The following PLCL1 variants were observed in gnomAD, a reference collection of about 807,000 sequenced individuals.
PLCL1 encodes phospholipase C like 1 (inactive), also known as inactive phospholipase C-like protein 1.
In PLCL1, 41 loss-of-function variants were observed where a neutral mutation model predicts 84.4. That is an observed-to-expected ratio of 0.49 (90% CI 0.38 to 0.63). PLCL1 has a LOEUF of 0.63. PLCL1 is among the 30% of genes least tolerant of loss of function. PLCL1 has a pLI of 0.00. For synonymous variants in PLCL1, 490 were observed against 488.3 expected, an observed-to-expected ratio of 1.00 and a Z score of -0.05; for missense variants, 1,206 against 1,367.8, an observed-to-expected ratio of 0.88 and a Z score of 1.87.
chr2:197,907,531 G>C (rs1688409767), intron 1 of PLCL1, among the ~76,000 whole-genome samples: 1 of 152,160 alleles, frequency 6.6e-6, no homozygotes, highest in Non-Finnish European at 1.5e-5. Context: ...AAAAGTTTGA[G>C]CTGATCCATT....
chr2:198,073,444 C>T (rs1372848477), intron 1 of PLCL1, among the ~76,000 whole-genome samples: 2 of 152,040 alleles, frequency 1.3e-5, no homozygotes, highest in Admixed American at 1.3e-4. Context: ...TAGTTCTAAC[C>T]CATTCCGGAA....
chr2:198,056,693 A>T (rs1291014941), intron 1 of PLCL1, among the ~76,000 whole-genome samples: 3 of 152,160 alleles, frequency 2.0e-5, no homozygotes, highest in Non-Finnish European at 4.4e-5. Context: ...TTATTTTTGC[A>T]CTATTTTCTT....
At chr2:198,079,376 T>C (rs1274044544) in intron 1 of PLCL1, among the ~76,000 whole-genome samples, 1 of 151,918 alleles carries the variant, frequency 6.6e-6, no homozygotes, top group Non-Finnish European at 1.5e-5. Context: ...TTCCTAACAG[T>C]AGTAGATAAG....
At position 198,047,253 on chromosome 2, in the gene PLCL1, G is replaced by A. The variant is rs372153835; in HGVS notation, c.241-36505G>A. On this transcript the variant is annotated intron_variant, in intron 1 of 5. Transcript: ENST00000428675. The stretch of plus-strand genomic sequence containing the variant: ...GGCTGGAGTTCAGTGGCACGATCTC[G>A]GCTCACTGCAACCTCTGCCACCTAG... Among the ~76,000 whole-genome samples the A allele has an allele frequency of 3.8e-3, 584 of 151,928 alleles. 5 individuals are homozygous for A. The highest frequency in any genetic ancestry group is 0.013 in the African/African-American group (559 of 41,448).
At chr2:197,865,860 A>G (rs947948523) in intron 1 of PLCL1, among the ~76,000 whole-genome samples, 2 of 150,684 alleles carry the variant, frequency 1.3e-5, no homozygotes, top group African/African-American at 4.9e-5. Context: ...AAAAAATACA[A>G]AAATTAGCTG....
At chr2:198,049,499 A>G (rs1691878672) in intron 1 of PLCL1, among the ~76,000 whole-genome samples, 1 of 152,120 alleles carries the variant, frequency 6.6e-6, no homozygotes, top group Non-Finnish European at 1.5e-5. Flanking sequence ...ATGGACTTTG[A>G]GTGTTAGTGT....
In PLCL1 at chr2:198,085,867, T is replaced by G; in HGVS notation, c.2350T>G (p.Phe784Val). ...TCCTATTTTTGATGAAACTTTTGAGTTCCAAGTAAACCTACCTGAGCTGGC... is the reference window on the plus strand; with the variant it reads ...TCCTATTTTTGATGAAACTTTTGAGGTCCAAGTAAACCTACCTGAGCTGGC... ...DNPIFDETFE[F>V]QVNLPELAMI... The change falls in exon 2 of 6, where the codon TTC (phenylalanine) becomes GTC (valine). Residue 784 changes from phenylalanine (F) to valine (V), a missense_variant. Transcript: ENST00000428675. This position sits in a 1 kb window ranked among gnomAD's most constrained non-coding sequence, Gnocchi z 5.3. 6.2e-7 allele frequency: 1 copy of G among 1,614,086 alleles called. No homozygotes were observed. The highest frequency in any genetic ancestry group is 8.5e-7 in the Non-Finnish European group (1 of 1,179,982).
At chr2:198,082,068 T>C (rs1692727219) in intron 1 of PLCL1, among the ~76,000 whole-genome samples, 1 of 152,244 alleles carries the variant, frequency 6.6e-6, no homozygotes, top group Admixed American at 6.5e-5. Flanking sequence ...TACCTACTCA[T>C]AGTCCTACAG....
intron 1 of PLCL1, among the ~76,000 whole-genome samples, chr2:197,998,356 G>T (rs752854125): frequency 2.6e-5 from 4 of 152,114 alleles, no homozygotes; most frequent in Non-Finnish European, 5.9e-5. Flanking sequence ...ATTCTTCTTA[G>T]AATGATGCTT....
At chr2:198,088,327 A>G (rs543954516) in intron 2 of PLCL1, among the ~76,000 whole-genome samples, 30 of 152,222 alleles carry the variant, frequency 2.0e-4, no homozygotes, top group Non-Finnish European at 3.8e-4. Context: ...GGTGAAATGT[A>G]AAATAGTCAT....
At chr2:197,882,305 A>C (rs1459505684) in intron 1 of PLCL1, among the ~76,000 whole-genome samples, 1 of 152,156 alleles carries the variant, frequency 6.6e-6, no homozygotes. Context: ...AAAGGCATGC[A>C]ACCCTATGGG....
chr2:197,851,932 T>C (rs1356374478), intron 1 of PLCL1, among the ~76,000 whole-genome samples: 1 of 152,248 alleles, frequency 6.6e-6, no homozygotes, highest in Non-Finnish European at 1.5e-5. Context: ...AGATGGCTCA[T>C]GGCTGGGCAT....
intron 1 of PLCL1, among the ~76,000 whole-genome samples, chr2:197,926,567 C>G (rs1313125718): frequency 6.6e-6 from 1 of 152,056 alleles, no homozygotes; most frequent in African/African-American, 2.4e-5. Flanking sequence ...TTTGATGTTG[C>G]CTTTTCTAAC....
intron 3 of PLCL1, among the ~76,000 whole-genome samples, chr2:198,091,643 G>A (rs866596890): frequency 2.7e-4 from 41 of 150,590 alleles, no homozygotes; most frequent in Admixed American, 6.7e-4. Context: ...CTGCGCCATC[G>A]CACTCCAGCC....
intron 1 of PLCL1, among the ~76,000 whole-genome samples, chr2:197,842,791 C>T (rs902017272): frequency 6.6e-6 from 1 of 152,162 alleles, no homozygotes; most frequent in Non-Finnish European, 1.5e-5. Context: ...GCCTTGTCAA[C>T]CTCTGTCGTA....
At chr2:197,907,684 A>G (rs1252345193) in intron 1 of PLCL1, among the ~76,000 whole-genome samples, 1 of 152,196 alleles carries the variant, frequency 6.6e-6, no homozygotes, top group African/African-American at 2.4e-5. Flanking sequence ...TATTTTTCAA[A>G]TTTCAATTCC....
chr2:197,883,376 G>A (rs964561160), intron 1 of PLCL1, among the ~76,000 whole-genome samples: 3 of 152,128 alleles, frequency 2.0e-5, no homozygotes, highest in Non-Finnish European at 4.4e-5. Context: ...ATAGACACAC[G>A]AAGTTTTTAC....
rs1352624358 is a variant in PLCL1 at position 197,866,033 on chromosome 2, A to AT, written c.240+60694_240+60695insT. ...TCCAAAAAAAAAAAAAAAAAAAAAA[A>AT]AAAATATATATATATATATACACAC... On this transcript the variant is annotated intron_variant, in intron 1 of 5. Coordinates refer to ENST00000428675, the MANE Select transcript of PLCL1 (RefSeq NM_006226.4). Among the ~76,000 whole-genome samples the AT allele has an allele frequency of 7.4e-4, 53 of 71,268 alleles. 4 individuals carry two copies. The highest frequency in any genetic ancestry group is 2.4e-3 in the East Asian group (8 of 3,356). The allele number at this position is 71,268 out of a possible 152,430, so 46.8% of individuals were successfully genotyped here. A position where few individuals can be genotyped will look rare whatever the true frequency, so the allele number is the denominator to read the frequency against.
At chr2:198,034,777 T>C (rs899499565) in intron 1 of PLCL1, among the ~76,000 whole-genome samples, 3 of 152,228 alleles carry the variant, frequency 2.0e-5, no homozygotes, top group African/African-American at 7.2e-5. Flanking sequence ...AGGAAATCAA[T>C]CCAGGATCAC....
Sources: gnomAD v4.1 joint callset for allele counts (sites outside exome capture counted in the v4.1 genomes callset) on GRCh38, gnomAD v4.1.1 for gene constraint, Gnocchi (gnomAD v3.1) non-coding constraint, MANE v1.5 for transcripts, NCBI Gene and HGNC (gene_info 2026-07-23, HGNC 2026-07-21) for gene names.